CADM2: variants seen among roughly 807,000 people sequenced by gnomAD.
CADM2 encodes the protein immunoglobulin superfamily member 4D.
A neutral mutation model predicts 49.8 loss-of-function variants in CADM2; 12 were observed. That is an observed-to-expected ratio of 0.24 (90% CI 0.15 to 0.39). CADM2 has a LOEUF of 0.39. CADM2 is among the 10% of genes least tolerant of loss of function. The pLI is 1.00. For missense variants in CADM2, 378 were observed against 492.3 expected (o/e 0.77, Z 2.20); for synonymous variants, 214 against 175.4 (o/e 1.22, Z -1.74).
chr3:85,471,413 G>A (rs962783874), intron 1 of CADM2, among the ~76,000 whole-genome samples: 16 of 152,000 alleles, frequency 1.1e-4, no homozygotes, highest in Admixed American at 5.3e-4. Context: ...TAACTTCAAG[G>A]GAAGCTGACA....
At chr3:85,945,717 A>AT (rs1182767691) in intron 7 of CADM2, among the ~76,000 whole-genome samples, 2 of 152,196 alleles carry the variant, frequency 1.3e-5, no homozygotes, top group African/African-American at 2.4e-5. Flanking sequence ...GGCCTTTGAT[A>AT]AAATTCAACA....
intron 3 of CADM2, among the ~76,000 whole-genome samples, chr3:85,865,393 C>T (rs1035891426): frequency 6.6e-6 from 1 of 151,356 alleles, no homozygotes; most frequent in African/African-American, 2.5e-5. Flanking sequence ...GTTGCTTTTT[C>T]CTTCATATTT....
intron 1 of CADM2, among the ~76,000 whole-genome samples, chr3:85,496,310 C>T (rs763130868): frequency 1.3e-5 from 2 of 152,106 alleles, no homozygotes; most frequent in Non-Finnish European, 2.9e-5. Flanking sequence ...TTTTCTGTTT[C>T]TGTGTTATTT....
At chr3:85,548,776 C>T (rs112042257) in intron 1 of CADM2, among the ~76,000 whole-genome samples, 1 of 152,080 alleles carries the variant, frequency 6.6e-6, no homozygotes, top group African/African-American at 2.4e-5. Flanking sequence ...TTCTAAATTG[C>T]CTTCATGTAT....
chr3:85,443,189 T>C (rs1308647078), intron 1 of CADM2, among the ~76,000 whole-genome samples: 2 of 152,142 alleles, frequency 1.3e-5, no homozygotes, highest in Non-Finnish European at 2.9e-5. Context: ...TGCACAATTA[T>C]TTTATATTGT....
intron 1 of CADM2, among the ~76,000 whole-genome samples, chr3:85,633,984 A>T (rs1015676043): frequency 2.0e-5 from 3 of 152,030 alleles, no homozygotes; most frequent in African/African-American, 7.2e-5. Flanking sequence ...CATCTGTGGA[A>T]GCGTATGATC....
chr3:85,183,550 C>T (rs539308403), intron 1 of CADM2, among the ~76,000 whole-genome samples: 1 of 152,226 alleles, frequency 6.6e-6, no homozygotes, highest in African/African-American at 2.4e-5. Flanking sequence ...CTGATTAACC[C>T]CATCCCACCA....
intron 1 of CADM2, among the ~76,000 whole-genome samples, chr3:85,562,371 G>A (rs62250470): frequency 2.0e-5 from 3 of 151,336 alleles, no homozygotes; most frequent in Non-Finnish European, 2.9e-5. Context: ...CCAGCTACTC[G>A]GGAGGCTGAG....
intron 8 of CADM2, among the ~76,000 whole-genome samples, chr3:86,008,125 A>T (rs894247447): frequency 6.6e-6 from 1 of 151,914 alleles, no homozygotes; most frequent in Non-Finnish European, 1.5e-5. Context: ...GTGAAAATCA[A>T]TTTTTTTTTC....
chr3:85,202,398 C>G (rs1371518627), intron 1 of CADM2, among the ~76,000 whole-genome samples: 1 of 152,084 alleles, frequency 6.6e-6, no homozygotes, highest in Non-Finnish European at 1.5e-5. Context: ...ACTCCTTGAT[C>G]CATCAGCTGC....
chr3:85,301,199 C>T (rs529616759), intron 1 of CADM2, among the ~76,000 whole-genome samples: 1 of 152,216 alleles, frequency 6.6e-6, no homozygotes, highest in African/African-American at 2.4e-5. Flanking sequence ...CCTCCTCAGA[C>T]TGGGAGCTGA....
rs536378960 is a variant in CADM2 at position 85,295,928 on chromosome 3, A to AAAAAAAAG, written c.61+336271_61+336278dup. 1.8e-4 allele frequency among the ~76,000 whole-genome samples: 28 copies of AAAAAAAAG among 151,824 alleles called. No individual in the cohort carries two copies. The South Asian group carries it at 5.6e-3, about 30-fold the overall frequency. Reference sequence around the variant, plus strand: ...AGTACCCTAAAACTTAAAGTATAATAAAAAAAAGAAAAAAAGAAGAAGAAA... The same window carrying AAAAAAAAG: ...AGTACCCTAAAACTTAAAGTATAATAAAAAAAAGAAAAAAAGAAAAAAAGAAGAAGAAA... On this transcript the variant is annotated intron_variant, in intron 1 of 9. Coordinates refer to ENST00000383699, the MANE Select transcript of CADM2 (RefSeq NM_001167675.2).
chr3:85,284,944 C>A (rs750283255), intron 1 of CADM2, among the ~76,000 whole-genome samples: 4 of 151,942 alleles, frequency 2.6e-5, no homozygotes, highest in Non-Finnish European at 4.4e-5. Context: ...GCAAGCAGAT[C>A]GATTGGTAGC....
intron 1 of CADM2, among the ~76,000 whole-genome samples, chr3:85,122,708 TCAAA>T (rs2038907121): frequency 6.6e-6 from 1 of 152,100 alleles, no homozygotes; most frequent in Non-Finnish European, 1.5e-5. Context: ...TGCAGCCACC[TCAAA>T]CAAACTTTCA....
intron 1 of CADM2, among the ~76,000 whole-genome samples, chr3:85,365,518 G>A (rs760313963): frequency 1.3e-5 from 2 of 152,026 alleles, no homozygotes; most frequent in Non-Finnish European, 2.9e-5. Flanking sequence ...ATTACTGGGT[G>A]CTTTCACTGA....
At chr3:85,985,710 G>C (rs1728016552) in intron 8 of CADM2, among the ~76,000 whole-genome samples, 1 of 151,870 alleles carries the variant, frequency 6.6e-6, no homozygotes, top group Non-Finnish European at 1.5e-5. Context: ...CTAAAACATT[G>C]CTTTCTGAAA....
At chr3:85,869,779 C>T (rs553554669) in intron 3 of CADM2, among the ~76,000 whole-genome samples, 1 of 152,292 alleles carries the variant, frequency 6.6e-6, no homozygotes, top group African/African-American at 2.4e-5. Context: ...TTCCCTCAGC[C>T]TCCCAAGTAG....
intron 1 of CADM2, among the ~76,000 whole-genome samples, chr3:85,106,879 C>A (rs566766007): frequency 6.6e-6 from 1 of 152,164 alleles, no homozygotes; most frequent in African/African-American, 2.4e-5. Context: ...CAACTATTGT[C>A]TACACAAATA....
intron 1 of CADM2, among the ~76,000 whole-genome samples, chr3:85,122,545 G>A (rs1477035810): frequency 6.6e-6 from 1 of 151,868 alleles, no homozygotes; most frequent in African/African-American, 2.4e-5. Context: ...TTTCATATCT[G>A]TTTTTGAGTT....
Sources: allele counts gnomAD v4.1 joint callset (sites outside exome capture counted in the v4.1 genomes callset), GRCh38; gene constraint gnomAD v4.1.1; transcripts MANE v1.5; gene names NCBI Gene and HGNC (gene_info 2026-07-23, HGNC 2026-07-21).